Variants in FRMPD4 observed in about 807,000 individuals in gnomAD.
FRMPD4 encodes the protein FERM and PDZ domain-containing protein 4.
FRMPD4 carries 22 observed loss-of-function variants against 94.1 expected under a neutral mutation model. The ratio of observed to expected loss-of-function variants is 0.23; its 90% CI spans 0.17 to 0.33. The LOEUF (loss-of-function observed/expected upper bound fraction) is 0.33. Among genes scored for constraint, FRMPD4 ranks in the 10% least tolerant of loss-of-function variants. FRMPD4 has a pLI of 1.00. For synonymous variants in FRMPD4, 631 were observed against 548.6 expected (o/e 1.15, Z -2.10); for missense variants, 1,111 against 1,339.9 (o/e 0.83, Z 2.67).
intron 1 of FRMPD4, among the ~76,000 whole-genome samples, chrX:12,477,259 A>G (rs2057613647): frequency 9.0e-6 from 1 of 111,036 alleles, no homozygotes; most frequent in South Asian, 3.9e-4. Context: ...GTATAATGAG[A>G]ACACGTGGAC....
chrX:12,141,146 T>C (rs751466279), intron 1 of FRMPD4, among the ~76,000 whole-genome samples: 44 of 112,275 alleles, frequency 3.9e-4, no homozygotes, highest in African/African-American at 1.4e-3. Flanking sequence ...AGAAAGCAAG[T>C]TCTTTTCTCA....
chrX:11,847,787 A>C (rs891420924), intron 1 of FRMPD4, among the ~76,000 whole-genome samples: 2 of 104,357 alleles, frequency 1.9e-5, no homozygotes, highest in African/African-American at 3.5e-5. Context: ...CAAGAACAAA[A>C]AACCAAACAC....
At chrX:11,879,890 T>A (rs752178567) in intron 3 of FRMPD4, among the ~76,000 whole-genome samples, 1 of 112,237 alleles carries the variant, frequency 8.9e-6, no homozygotes, top group South Asian at 3.7e-4. Flanking sequence ...TCTATAATTT[T>A]TAGTCTGTCT....
chrX:12,648,121 A>G (rs192207910), intron 4 of FRMPD4, among the ~76,000 whole-genome samples: 33 of 111,634 alleles, frequency 3.0e-4, no homozygotes, highest in African/African-American at 1.0e-3. Context: ...CTCTGACACC[A>G]TAAATTCCCA....
intron 3 of FRMPD4, among the ~76,000 whole-genome samples, chrX:12,014,446 G>A (rs1036730908): frequency 9.0e-6 from 1 of 111,683 alleles, no homozygotes; most frequent in Non-Finnish European, 1.9e-5. Context: ...CATTCCAGTT[G>A]TTTCATGGGT....
intron 1 of FRMPD4, among the ~76,000 whole-genome samples, chrX:12,242,302 C>A (rs1031201599): frequency 1.8e-5 from 2 of 111,211 alleles, no homozygotes; most frequent in African/African-American, 6.6e-5. Context: ...GTTCAACAAC[C>A]TTGTACTCTC....
chrX:12,340,828 T>G (rs2055601493), intron 1 of FRMPD4, among the ~76,000 whole-genome samples: 1 of 111,565 alleles, frequency 9.0e-6, no homozygotes, highest in South Asian at 3.8e-4. Flanking sequence ...CAACTAATGG[T>G]CTACCTAAAT....
chrX:12,616,194 T>C (rs1355694334), intron 4 of FRMPD4, among the ~76,000 whole-genome samples: 1 of 111,106 alleles, frequency 9.0e-6, no homozygotes, highest in Non-Finnish European at 1.9e-5. Context: ...GGGAAGTGAT[T>C]AAGTCATGAG....
chrX:12,724,184 G>C lies in FRMPD4; in HGVS notation c.*2326G>C, dbSNP rs1289671717. On this transcript the variant is annotated 3_prime_UTR_variant, in exon 17 of 17. Transcript: ENST00000675598. ...CATCCTTGTTCAAGTTACGTATCTA[G>C]TTAGAACAACTTCCCAGTCCATTGG... is the stretch of plus-strand genomic sequence containing the variant. 2 of 111,913 alleles carry C rather than the reference G, an allele frequency of 1.8e-5. No homozygotes were observed. The highest frequency in any genetic ancestry group is 3.8e-4 in the South Asian group (1 of 2,647). The allele number at this position is 111,913 out of a possible 1,213,427, so 9.2% of individuals were successfully genotyped here.
At chrX:11,877,518 G>A (rs1669695907) in intron 2 of FRMPD4, among the ~76,000 whole-genome samples, 2 of 112,007 alleles carry the variant, frequency 1.8e-5, no homozygotes, top group Non-Finnish European at 3.8e-5. Context: ...GGGTTGTCCT[G>A]ATTCAGAGGG....
At chrX:12,609,470 G>T (rs2059159776) in intron 2 of FRMPD4, among the ~76,000 whole-genome samples, 1 of 111,736 alleles carries the variant, frequency 8.9e-6, no homozygotes, top group Non-Finnish European at 1.9e-5. Context: ...GCACAAGCTT[G>T]AGCGAGGTGA....
chrX:12,274,731 G>A (rs1000804372), intron 1 of FRMPD4, among the ~76,000 whole-genome samples: 1 of 112,503 alleles, frequency 8.9e-6, no homozygotes, highest in African/African-American at 3.2e-5. Context: ...TACAGAAGGC[G>A]GGGCGCGGTG....
intron 4 of FRMPD4, among the ~76,000 whole-genome samples, chrX:12,663,332 A>T (rs183867123): frequency 1.2e-3 from 136 of 112,180 alleles, no homozygotes; most frequent in Middle Eastern, 4.6e-3. Flanking sequence ...TTTAGGTCTA[A>T]CATTTAAGTC....
At chrX:12,443,096 G>GTGAC (rs1242501186) in intron 1 of FRMPD4, among the ~76,000 whole-genome samples, 2 of 111,362 alleles carry the variant, frequency 1.8e-5, no homozygotes, top group Non-Finnish European at 3.8e-5. Context: ...AGAATAGGGA[G>GTGAC]TGACTGCTAA....
chrX:12,593,395 G>A, intron 2 of FRMPD4, among the ~76,000 whole-genome samples: 2 of 111,707 alleles, frequency 1.8e-5, no homozygotes, highest in South Asian at 7.4e-4. Context: ...TTTATCTTTG[G>A]TATATTAAAC....
chrX:11,995,873 C>T (rs2054493470), intron 3 of FRMPD4, among the ~76,000 whole-genome samples: 2 of 111,951 alleles, frequency 1.8e-5, no homozygotes, highest in African/African-American at 6.5e-5. Context: ...TTTGAAATAG[C>T]ATAAGAGTGC....
intron 2 of FRMPD4, among the ~76,000 whole-genome samples, chrX:12,535,623 A>G (rs2058331506): frequency 8.9e-6 from 1 of 112,431 alleles, no homozygotes; most frequent in Non-Finnish European, 1.9e-5. Flanking sequence ...ATAAGGGTAA[A>G]ACTGTCTTTC....
intron 3 of FRMPD4, among the ~76,000 whole-genome samples, chrX:12,005,640 CA>C (rs2054548365): frequency 8.9e-6 from 1 of 112,141 alleles, no homozygotes; most frequent in South Asian, 3.8e-4. Context: ...GAGCCCTCAG[CA>C]AATGCATTAT....
intron 1 of FRMPD4, among the ~76,000 whole-genome samples, chrX:12,430,845 T>G (rs769127592): frequency 1.2e-3 from 138 of 112,690 alleles, no homozygotes; most frequent in African/African-American, 4.4e-3. Flanking sequence ...ATTTTGTCTC[T>G]AGGTAAAATG....
Sources: allele counts gnomAD v4.1 joint callset (sites outside exome capture counted in the v4.1 genomes callset), GRCh38; gene constraint gnomAD v4.1.1; transcripts MANE v1.5; gene names NCBI Gene and HGNC (gene_info 2026-07-23, HGNC 2026-07-21).